PCNX2: variants seen among roughly 807,000 people sequenced by gnomAD.
PCNX2 encodes the protein pecanex 2.
In PCNX2, 168 loss-of-function variants were observed where a neutral mutation model predicts 223.8. That is an observed-to-expected ratio of 0.75 (90% CI 0.66 to 0.85). The LOEUF (loss-of-function observed/expected upper bound fraction) is 0.85. Among genes scored for constraint, PCNX2 ranks in the 40% least tolerant of loss-of-function variants. PCNX2 has a pLI of 0.00. For missense variants in PCNX2, 2,507 were observed against 2,675.5 expected (o/e 0.94, Z 1.39); for synonymous variants, 1,006 against 1,052.6 (o/e 0.96, Z 0.86).
In PCNX2 at chr1:232,984,135, T is replaced by TTTA; in HGVS notation, c.*168_*169insTAA. 8.3e-6 allele frequency: 1 copy of TTTA among 119,946 alleles called. No individual in the cohort carries two copies. The highest frequency in any genetic ancestry group is 1.7e-5 in the Non-Finnish European group (1 of 57,776). The allele number at this position is 119,946 out of a possible 1,614,324, so 7.4% of individuals were successfully genotyped here. On this transcript the variant is annotated 3_prime_UTR_variant, in exon 34 of 34. Coordinates refer to ENST00000258229, the MANE Select transcript of PCNX2 (RefSeq NM_014801.4). ...TTTTTTTTTTTTTTTTTTTTTTTTT[T>TTTA]CAAAAACCTGAGATCAGTTCTGTGT...
chr1:233,087,292 G>C, intron 23 of PCNX2: 1 of 814,802 alleles, frequency 1.2e-6, no homozygotes, highest in Non-Finnish European at 1.5e-6. Context: ...CAGGAGAGGG[G>C]ACTGCTAGGT....
chr1:233,244,305 A>G (rs191866923), intron 8 of PCNX2, among the ~76,000 whole-genome samples: 1 of 152,358 alleles, frequency 6.6e-6, no homozygotes. Context: ...GTGTTCACAT[A>G]GCTAGATACT....
rs375220535 is a variant in PCNX2, at chr1:232,984,361, C to T, written c.6357G>A (p.Gln2119=). ...TLGVVCRRAS[Q]EDMGLDDTAS... ...CCGTGTCGTCCAGGCCCATGTCCTC[C>T]TGGCTTGCTCTCCTGCAGACAACCC... Residue 2119 remains glutamine, a synonymous_variant, in exon 34 of 34, where the codon CAG becomes CAA. Coordinates refer to ENST00000258229, the MANE Select transcript of PCNX2 (RefSeq NM_014801.4). 3 of 1,613,490 alleles carry T rather than the reference C, an allele frequency of 1.9e-6. No homozygotes were observed. In the African/African-American group the frequency reaches 4.0e-5, roughly 22 times the overall value.
At chr1:233,179,288 C>A in intron 15 of PCNX2, 113 bp from the exon 16 acceptor site, 1 of 1,100,108 alleles carries the variant, frequency 9.1e-7, no homozygotes, top group East Asian at 2.6e-5. Flanking sequence ...GAGTTATTCC[C>A]ATGATTATTC....
At chr1:233,083,214 T>C (rs1022671711) in intron 23 of PCNX2, among the ~76,000 whole-genome samples, 2 of 152,102 alleles carry the variant, frequency 1.3e-5, no homozygotes, top group Non-Finnish European at 2.9e-5. Context: ...CCACTGAACA[T>C]CTAGATGAGG....
At chr1:232,985,802 G>A (rs920677532) in intron 33 of PCNX2, 6 of 598,000 alleles carry the variant, frequency 1.0e-5, no homozygotes, top group Non-Finnish European at 6.0e-6. Context: ...ATGCCCCGGT[G>A]TAGGGCAGAT....
the PCNX2 span, among the ~76,000 whole-genome samples, chr1:233,321,756 G>T: frequency 6.6e-6 from 1 of 152,204 alleles, no homozygotes; most frequent in Non-Finnish European, 1.5e-5. Flanking sequence ...ATTTTAAAGT[G>T]AACCTGGCAT....
chr1:232,992,151 A>G (rs1669725507), intron 32 of PCNX2, among the ~76,000 whole-genome samples: 1 of 152,212 alleles, frequency 6.6e-6, no homozygotes, highest in Non-Finnish European at 1.5e-5. Context: ...GTCTTCTTCC[A>G]GCTCTCTGAC....
chr1:233,221,561 A>G (rs1248485596), intron 10 of PCNX2, among the ~76,000 whole-genome samples: 3 of 152,150 alleles, frequency 2.0e-5, no homozygotes, highest in Non-Finnish European at 4.4e-5. Context: ...TTTACTTGCC[A>G]GGCAAAGAGT....
At chr1:233,168,119 G>A (rs1279503369) in intron 17 of PCNX2, among the ~76,000 whole-genome samples, 2 of 152,110 alleles carry the variant, frequency 1.3e-5, no homozygotes, top group African/African-American at 4.8e-5. Context: ...AAAAATGAGT[G>A]TGAAAGGGAA....
chr1:233,019,743 G>GGGGACAGGAC (rs1558167412), intron 26 of PCNX2, among the ~76,000 whole-genome samples: 14 of 149,282 alleles, frequency 9.4e-5, no homozygotes, highest in African/African-American at 3.2e-4. Flanking sequence ...GGGGACAGGA[G>GGGGACAGGAC]AACCGTTGTG....
chr1:233,015,519 C>T (rs978499040), intron 27 of PCNX2, among the ~76,000 whole-genome samples: 1 of 151,990 alleles, frequency 6.6e-6, no homozygotes, highest in African/African-American at 2.4e-5. Flanking sequence ...GCCAACATGG[C>T]AAAACCCTGT....
At chr1:233,191,425 A>G (rs12047926) in intron 15 of PCNX2, among the ~76,000 whole-genome samples, 23,847 of 152,178 alleles carry the variant, frequency 0.16, 2,642 homozygotes, top group East Asian at 0.35. Context: ...GGGTTGCCAC[A>G]AAGGGTAAAG....
At chr1:233,226,421 C>T (rs927039230) in intron 10 of PCNX2, among the ~76,000 whole-genome samples, 1 of 152,122 alleles carries the variant, frequency 6.6e-6, no homozygotes, top group South Asian at 2.1e-4. Context: ...AGGCATGCAC[C>T]ACCACACCCG....
rs1678464890 is a variant in PCNX2, at chr1:233,161,310, T to C, written c.3327A>G (p.Ser1109=). 2 of 1,613,848 alleles carry C rather than the reference T, an allele frequency of 1.2e-6. No homozygotes were observed. Among genetic ancestry groups the C allele is most frequent in the Non-Finnish European group, 1.7e-6 (2 of 1,179,850 alleles). The change falls in exon 18 of 34, where the codon TCA becomes TCG. Residue 1109 remains serine (S), a synonymous_variant. Transcript: ENST00000258229. Reference sequence around the variant, plus strand: ...ATACAGTGCTGGCGCTGACTGCAAATGAGAGGACAGCAACCACTGCGCAGA... The same window carrying C: ...ATACAGTGCTGGCGCTGACTGCAAACGAGAGGACAGCAACCACTGCGCAGA... ...LIVCAVVAVL[S]FAVSASTVFL...
chr1:233,134,011 G>A (rs893052149), intron 21 of PCNX2, among the ~76,000 whole-genome samples: 3 of 151,818 alleles, frequency 2.0e-5, no homozygotes, highest in Non-Finnish European at 4.4e-5. Context: ...AGAAGGAAGA[G>A]GTAAGTAATA....
intron 21 of PCNX2, among the ~76,000 whole-genome samples, chr1:233,107,667 G>GA (rs141998113): frequency 0.32 from 45,905 of 145,594 alleles, 7,449 homozygotes; most frequent in Admixed American, 0.4. Context: ...CACTTACAAT[G>GA]AAAAAAAAAA....
At position 233,276,077 on chromosome 1, in the gene PCNX2, T is replaced by C. The variant is rs1660897942; in HGVS notation, c.154-12914A>G. ...AGGGGTGGAAACAACTCTAATGTCC[T>C]TCAACAAATCTTTGAATAAACAAAA... On this transcript the variant is annotated intron_variant, in intron 1 of 33. Coordinates refer to ENST00000258229, the MANE Select transcript of PCNX2 (RefSeq NM_014801.4). 4.6e-5 allele frequency among the ~76,000 whole-genome samples: 7 copies of C among 152,152 alleles called. No homozygotes were observed. The South Asian group carries it at 1.5e-3, about 32-fold the overall frequency.
chr1:233,064,799 G>C (rs1672531008), intron 23 of PCNX2, among the ~76,000 whole-genome samples: 1 of 151,932 alleles, frequency 6.6e-6, no homozygotes, highest in South Asian at 2.1e-4. Flanking sequence ...AGATTATCTA[G>C]TCTGCTACAT....
Sources: allele counts gnomAD v4.1 joint callset (sites outside exome capture counted in the v4.1 genomes callset), GRCh38; gene constraint gnomAD v4.1.1; transcripts MANE v1.5; gene names NCBI Gene and HGNC (gene_info 2026-07-23, HGNC 2026-07-21).